CCDC196: variants seen among roughly 807,000 people sequenced by gnomAD.
CCDC196 encodes the protein coiled-coil domain containing 196.
chr14:66,496,130 TAGTTTCA>T, intron 8 of CCDC196: 1 of 361,482 alleles, frequency 2.8e-6, no homozygotes, highest in Non-Finnish European at 5.5e-6. Context: ...TCTTTTTCTC[TAGTTTCA>T]AAAGAATTGA....
At position 66,492,025 on chromosome 14, in the gene CCDC196, T is replaced by C. The variant is rs1319215871; in HGVS notation, c.574-28T>C. ...GATTCAGAGAAGCCAATCCTATATG[T>C]GTAGTTTTGGAAAATATTCTCTTTC... On this transcript the variant is annotated intron_variant, in intron 7 of 9. Transcript: ENST00000636229. The C allele has an allele frequency of 2.2e-5, 9 of 413,010 alleles. No individual in the cohort carries two copies. In the East Asian group the frequency reaches 2.8e-4, roughly 13 times the overall value. The allele number at this position is 413,010 out of a possible 1,614,324, so 25.6% of individuals were successfully genotyped here. A position where few individuals can be genotyped will look rare whatever the true frequency, so the allele number is the denominator to read the frequency against.
chr14:66,495,611 A>G (rs780016085), intron 8 of CCDC196: 1 of 152,254 alleles, frequency 6.6e-6, no homozygotes, highest in Non-Finnish European at 1.5e-5. Context: ...GTGAAGAAGC[A>G]TACTCCTAAG....
intron 8 of CCDC196, among the ~76,000 whole-genome samples, 174 bp from the exon 9 acceptor site, chr14:66,497,935 C>G (rs1373317771): frequency 6.6e-6 from 1 of 151,716 alleles, no homozygotes; most frequent in East Asian, 1.9e-4. Flanking sequence ...GAAAAACAGT[C>G]TGCCACTCCA....
At chr14:66,496,340 TAGCTG>T (rs1232963513) in intron 8 of CCDC196, 1 of 456,162 alleles carries the variant, frequency 2.2e-6, no homozygotes, top group African/African-American at 2.0e-5. Context: ...ATGATCTGTG[TAGCTG>T]GCAAAATACA....
At position 66,491,119 on chromosome 14, in the gene CCDC196, C is replaced by T. The variant is rs1184862899; in HGVS notation, c.513+15C>T. 2.4e-6 allele frequency: 1 copy of T among 413,184 alleles called. No individual in the cohort carries two copies. The highest frequency in any genetic ancestry group is 4.4e-6 in the Non-Finnish European group (1 of 226,124). The allele number at this position is 413,184 out of a possible 1,614,324, so 25.6% of individuals were successfully genotyped here. A position where few individuals can be genotyped will look rare whatever the true frequency, so the allele number is the denominator to read the frequency against. ...AGATAAGGAAGGTAGTACAGCCATT[C>T]TGAATGGCAGTGGCTTTTAGAGCTA... On this transcript the variant is annotated intron_variant, in intron 6 of 9. Transcript: ENST00000636229.
intron 4 of CCDC196, 42 bp from the exon 5 acceptor site, chr14:66,490,700 A>G: frequency 5.0e-6 from 2 of 398,964 alleles, no homozygotes; most frequent in Non-Finnish European, 8.9e-6. Flanking sequence ...TCCCTCTTTA[A>G]TTTCCACTAC....
chr14:66,493,059 T>C (rs1356591188), intron 8 of CCDC196, among the ~76,000 whole-genome samples: 1 of 152,214 alleles, frequency 6.6e-6, no homozygotes, highest in Non-Finnish European at 1.5e-5. Flanking sequence ...TTCAAGTATC[T>C]ATGAATATGA....
In CCDC196 at chr14:66,490,399, T is replaced by C. The variant is rs571287235; in HGVS notation, c.352-343T>C. 3.3e-5 allele frequency among the ~76,000 whole-genome samples: 5 copies of C among 152,292 alleles called. No homozygotes were observed. In the East Asian group the frequency reaches 9.6e-4, roughly 29 times the overall value. ...CTCCAAGTCTCAGGTTTCTCATCTA[T>C]AATATGGAAATAAAAATGGTCCTCA... On this transcript the variant is annotated intron_variant, in intron 4 of 9. Transcript: ENST00000636229.
At chr14:66,491,260 A>G (rs2057528606) in intron 6 of CCDC196, among the ~76,000 whole-genome samples, 156 bp downstream of exon 6, 1 of 152,336 alleles carries the variant, frequency 6.6e-6, no homozygotes. Flanking sequence ...AGTTAGAGTG[A>G]TATCACAAGT....
chr14:66,496,422 C>A (rs2057668115), intron 8 of CCDC196: 8 of 454,126 alleles, frequency 1.8e-5, no homozygotes, highest in Admixed American at 1.4e-4. Flanking sequence ...TCCCTTGATG[C>A]CCAGGATGTG....
intron 4 of CCDC196, 138 bp from the exon 5 acceptor site, chr14:66,490,604 C>T (rs1256130954): frequency 2.5e-6 from 1 of 396,390 alleles, no homozygotes; most frequent in African/African-American, 2.1e-5. Context: ...TTCTCAACTC[C>T]CTTTGGTAGT....
chr14:66,490,733 T>C lies in CCDC196; in HGVS notation c.352-9T>C. On this transcript the variant is annotated splice_polypyrimidine_tract_variant and intron_variant, in intron 4 of 9. Transcript: ENST00000636229. ...TACTTTAAAGCTTTGCCAAAATGTC[T>C]TTCCACAGACATTCGAGGCAGAAGA... 1 of 399,368 alleles carries C rather than the reference T, an allele frequency of 2.5e-6. No homozygotes were observed. The allele number at this position is 399,368 out of a possible 1,614,324, so 24.7% of individuals were successfully genotyped here.
Position 66,486,421 on chromosome 14 carries a change from C to T in CCDC196, c.-82C>T, listed in dbSNP as rs1417677117. On this transcript the variant is annotated 5_prime_UTR_variant, in exon 1 of 10. Transcript: ENST00000636229. ...AGCAGGAGTTTCAAGAACAGCAGCACAAAAATAATGACTTAACTGGATAGA... is the reference window on the plus strand; with the variant it reads ...AGCAGGAGTTTCAAGAACAGCAGCATAAAAATAATGACTTAACTGGATAGA... 1 of 398,740 alleles carries T rather than the reference C, an allele frequency of 2.5e-6. No individual in the cohort carries two copies. Among genetic ancestry groups the T allele is most frequent in the Admixed American group, 4.4e-5 (1 of 22,684 alleles). The allele number at this position is 398,740 out of a possible 1,614,324, so 24.7% of individuals were successfully genotyped here.
intron 8 of CCDC196, chr14:66,496,074 T>C (rs1364023868): frequency 3.5e-6 from 1 of 285,376 alleles, no homozygotes; most frequent in Non-Finnish European, 7.0e-6. Context: ...TAAAAGATGG[T>C]GCTTATTTGA....
At chr14:66,496,338 T>C (rs1323243953) in intron 8 of CCDC196, 1 of 456,278 alleles carries the variant, frequency 2.2e-6, no homozygotes. Context: ...GTATGATCTG[T>C]GTAGCTGGCA....
At chr14:66,487,602 C>T (rs1010137423) in intron 2 of CCDC196, among the ~76,000 whole-genome samples, 82 of 152,144 alleles carry the variant, frequency 5.4e-4, no homozygotes, top group African/African-American at 1.9e-3. Flanking sequence ...AAGGAATATC[C>T]TCTCTCACAA....
chr14:66,486,969 T>A (rs1360187420), intron 2 of CCDC196, among the ~76,000 whole-genome samples, 160 bp downstream of exon 2: 1 of 152,076 alleles, frequency 6.6e-6, no homozygotes, highest in Non-Finnish European at 1.5e-5. Flanking sequence ...CAAGTCAGGG[T>A]GACAACAAAT....
chr14:66,488,138 A>C (rs1350165491), intron 2 of CCDC196, 22 bp from the exon 3 acceptor site: 2 of 412,888 alleles, frequency 4.8e-6, no homozygotes, highest in Admixed American at 8.8e-5. Context: ...TGTATGTTTT[A>C]TGATGCCTCT....
chr14:66,486,380 A>C lies in CCDC196; in HGVS notation c.-123A>C, dbSNP rs2057398334. The stretch of plus-strand genomic sequence containing the variant: ...GGGCCATTGTGACCTCGCTGTAGCT[A>C]AGATCAGTCCACTGCAGCAGGAGTT... On this transcript the variant is annotated 5_prime_UTR_variant, in exon 1 of 10. Transcript: ENST00000636229. 1 of 397,228 alleles carries C rather than the reference A, an allele frequency of 2.5e-6. No individual in the cohort carries two copies. The highest frequency in any genetic ancestry group is 1.4e-4 in the South Asian group (1 of 7,026). 24.6% of individuals were successfully genotyped at this position (397,228 alleles called of 1,614,324 possible). A position where few individuals can be genotyped will look rare whatever the true frequency, so the allele number is the denominator to read the frequency against.
Sources: gnomAD v4.1 joint callset for allele counts (sites outside exome capture counted in the v4.1 genomes callset) on GRCh38, gnomAD v4.1.1 for gene constraint, MANE v1.5 for transcripts, NCBI Gene and HGNC (gene_info 2026-07-23, HGNC 2026-07-21) for gene names.